The following GRM3 variants were observed in gnomAD, a reference collection of about 807,000 sequenced individuals.
GRM3 encodes metabotropic glutamate receptor 3.
In GRM3, 26 loss-of-function variants were observed where a neutral mutation model predicts 70.5. The ratio of observed to expected loss-of-function variants is 0.37; its 90% CI spans 0.27 to 0.51. The LOEUF is 0.51. GRM3 is among the 20% of genes least tolerant of loss of function. The probability of loss-of-function intolerance (pLI) is 0.93; values close to 1 mark genes in which losing one functional copy is unlikely to be tolerated. For synonymous variants in GRM3, 443 were observed against 434.9 expected (o/e 1.02, Z -0.23); for missense variants, 859 against 1,123.8 (o/e 0.76, Z 3.37).
chr7:86,658,081 AT>A (rs763582360), intron 1 of GRM3, among the ~76,000 whole-genome samples: 77 of 152,246 alleles, frequency 5.1e-4, no homozygotes, highest in Admixed American at 3.3e-3. Flanking sequence ...CTATTATTTG[AT>A]TGCATTTATC....
intron 1 of GRM3, among the ~76,000 whole-genome samples, chr7:86,656,767 A>T (rs1488795505): frequency 6.6e-6 from 1 of 152,126 alleles, no homozygotes; most frequent in African/African-American, 2.4e-5. Context: ...GCTTAAGTTT[A>T]AAAAATTACT....
chr7:86,734,490 A>G (rs1014909594), intron 1 of GRM3, among the ~76,000 whole-genome samples: 3 of 152,236 alleles, frequency 2.0e-5, no homozygotes, highest in African/African-American at 4.8e-5. Context: ...AATAACATAG[A>G]ATTAGTCATA....
chr7:86,765,038 T>C lies in GRM3; in HGVS notation c.-108T>C. The C allele has an allele frequency of 6.7e-7, 1 of 1,492,872 alleles. No individual in the cohort carries two copies. Among genetic ancestry groups the C allele is most frequent in the Non-Finnish European group, 8.8e-7 (1 of 1,130,068 alleles). The allele number at this position is 1,492,872 out of a possible 1,614,324, so 92.5% of individuals were successfully genotyped here. ...GTGACAGGCTCTGTTAGTCTGTTCC[T>C]CCCTTATTTGAAGGACAGGCCAAAG... On this transcript the variant is annotated 5_prime_UTR_variant, in exon 2 of 6. Coordinates refer to ENST00000361669, the MANE Select transcript of GRM3 (RefSeq NM_000840.3).
chr7:86,721,955 T>C (rs1419220277), intron 1 of GRM3, among the ~76,000 whole-genome samples: 1 of 152,114 alleles, frequency 6.6e-6, no homozygotes, highest in Admixed American at 6.6e-5. Context: ...GAAACTAGAA[T>C]TGGCAGAACC....
At chr7:86,678,808 CTT>C (rs972799076) in intron 1 of GRM3, among the ~76,000 whole-genome samples, 1 of 151,954 alleles carries the variant, frequency 6.6e-6, no homozygotes, top group African/African-American at 2.4e-5. Flanking sequence ...ATACAGAGCT[CTT>C]GAGTCAACAT....
intron 3 of GRM3, among the ~76,000 whole-genome samples, chr7:86,836,932 A>G (rs183155617): frequency 6.6e-6 from 1 of 152,224 alleles, no homozygotes; most frequent in East Asian, 1.9e-4. Context: ...AAAACTACAC[A>G]CTCAACTACT....
chr7:86,797,033 G>A (rs1320674554), intron 3 of GRM3, among the ~76,000 whole-genome samples: 1 of 152,194 alleles, frequency 6.6e-6, no homozygotes, highest in Non-Finnish European at 1.5e-5. Context: ...CCAGCCATGT[G>A]GAATTGTGAG....
chr7:86,836,893 C>T lies in GRM3; in HGVS notation c.1325-1946C>T, dbSNP rs548375965. 9.9e-5 allele frequency among the ~76,000 whole-genome samples: 15 copies of T among 152,224 alleles called. 1 individual carries two copies. Among genetic ancestry groups the T allele is most frequent in the East Asian group, 9.6e-4 (5 of 5,184 alleles). ...ACACACAATTATTAAAAGACAGAAA[C>T]GAGAATCACACAAAGTCCATCTAAC... On this transcript the variant is annotated intron_variant, in intron 3 of 5. Transcript: ENST00000361669.
intron 1 of GRM3, among the ~76,000 whole-genome samples, chr7:86,647,052 A>C (rs1412160552): frequency 6.6e-6 from 1 of 152,230 alleles, no homozygotes; most frequent in Non-Finnish European, 1.5e-5. Context: ...CTTTATGTTT[A>C]AGTTGAAATT....
rs551873686 is a variant in GRM3 at position 86,730,704 on chromosome 7, G to T, written c.-140-34302G>T. On this transcript the variant is annotated intron_variant, in intron 1 of 5. Transcript: ENST00000361669. ...CTAGATCTTAAAAATAGGCCGTTTT[G>T]CATGCTAACCTACATTCCTTGCTTT... Among the ~76,000 whole-genome samples the T allele has an allele frequency of 4.6e-5, 7 of 152,248 alleles. No homozygotes were observed. In the South Asian group the frequency reaches 6.2e-4, roughly 14 times the overall value.
chr7:86,804,973 G>A (rs1797758625), intron 3 of GRM3, among the ~76,000 whole-genome samples: 1 of 152,076 alleles, frequency 6.6e-6, no homozygotes, highest in African/African-American at 2.4e-5. Context: ...AATTAACTGG[G>A]CATGGTGGAG....
chr7:86,766,380 T>C (rs1238404790), intron 2 of GRM3, among the ~76,000 whole-genome samples: 1 of 148,782 alleles, frequency 6.7e-6, no homozygotes, highest in Non-Finnish European at 1.5e-5. Context: ...ATTACTACCA[T>C]TAAAAAAAAA....
chr7:86,720,691 A>T (rs1478273814), intron 1 of GRM3, among the ~76,000 whole-genome samples: 1 of 152,104 alleles, frequency 6.6e-6, no homozygotes, highest in African/African-American at 2.4e-5. Context: ...CAAAGCATCA[A>T]GGTAAATCAA....
chr7:86,810,541 C>G lies in GRM3; in HGVS notation c.1324+23425C>G, dbSNP rs1259493109. On this transcript the variant is annotated intron_variant, in intron 3 of 5. Transcript: ENST00000361669. ...AAACCACTTCACATAATATATTGAC[C>G]AAAAACATTCCCTCTATAAGTTTAA... 2.0e-5 allele frequency among the ~76,000 whole-genome samples: 3 copies of G among 151,904 alleles called. No individual in the cohort carries two copies. The East Asian group carries it at 5.8e-4, about 29-fold the overall frequency.
At chr7:86,771,638 A>G (rs1198975289) in intron 2 of GRM3, among the ~76,000 whole-genome samples, 2 of 152,090 alleles carry the variant, frequency 1.3e-5, no homozygotes, top group African/African-American at 4.8e-5. Context: ...CAATTTTAAA[A>G]TAGTAGATAT....
intron 1 of GRM3, among the ~76,000 whole-genome samples, chr7:86,719,744 T>C (rs1180806087): frequency 6.6e-6 from 1 of 151,850 alleles, no homozygotes; most frequent in Non-Finnish European, 1.5e-5. Context: ...AGAAGTATGA[T>C]AAAAGAGCAT....
Position 86,765,424 on chromosome 7 carries a change from T to A in GRM3, c.279T>A (p.Val93=). ...DYLLPGVKLG[V]HILDTCSRDT... is the part of the protein sequence containing the mutation. ...TGCTACCAGGAGTGAAGTTGGGTGT[T>A]CACATTTTGGATACATGTTCAAGGG... The change falls in exon 2 of 6, where the codon GTT becomes GTA. Residue 93 remains valine (V), a synonymous_variant. Coordinates refer to ENST00000361669, the MANE Select transcript of GRM3 (RefSeq NM_000840.3). 6.2e-7 allele frequency: 1 copy of A among 1,613,948 alleles called. No individual in the cohort carries two copies. The highest frequency in any genetic ancestry group is 8.5e-7 in the Non-Finnish European group (1 of 1,179,886).
intron 2 of GRM3, among the ~76,000 whole-genome samples, chr7:86,778,374 C>T (rs185191265): frequency 4.6e-5 from 7 of 151,980 alleles, no homozygotes; most frequent in Non-Finnish European, 8.8e-5. Flanking sequence ...ATTCTCATAG[C>T]ACTAAAAAAT....
At chr7:86,762,627 C>T (rs1269689008) in intron 1 of GRM3, among the ~76,000 whole-genome samples, 1 of 152,038 alleles carries the variant, frequency 6.6e-6, no homozygotes, top group Non-Finnish European at 1.5e-5. Context: ...ATCAAAATAG[C>T]AATAGCAAAC....
Sources: allele counts gnomAD v4.1 joint callset (sites outside exome capture counted in the v4.1 genomes callset), GRCh38; gene constraint gnomAD v4.1.1; transcripts MANE v1.5; gene names NCBI Gene and HGNC (gene_info 2026-07-23, HGNC 2026-07-21).